IQCM: variants seen among roughly 807,000 people sequenced by gnomAD.
IQCM encodes IQ domain-containing protein M.
A neutral mutation model predicts 57.6 loss-of-function variants in IQCM; 45 were observed. The ratio of observed to expected loss-of-function variants is 0.78; its 90% CI spans 0.62 to 1.00. The LOEUF (loss-of-function observed/expected upper bound fraction) is 1.00, where lower values mean the gene tolerates loss of function less well. IQCM is among the 50% of genes least tolerant of loss of function. The pLI, the probability that IQCM is intolerant of heterozygous loss-of-function variation, is 0.00. For missense variants in IQCM, 468 were observed against 511.6 expected, an observed-to-expected ratio of 0.91 and a Z score of 0.82; for synonymous variants, 148 against 158.9, an observed-to-expected ratio of 0.93 and a Z score of 0.51.
intron 13 of IQCM, among the ~76,000 whole-genome samples, chr4:149,366,603 A>G (rs1729860172): frequency 6.6e-6 from 1 of 151,918 alleles, no homozygotes; most frequent in Non-Finnish European, 1.5e-5. Context: ...TTTTAATACT[A>G]TATTTTTCAT....
intron 5 of IQCM, among the ~76,000 whole-genome samples, chr4:149,694,544 C>CCACA (rs139799316): frequency 6.6e-5 from 10 of 151,302 alleles, no homozygotes; most frequent in African/African-American, 1.9e-4. Context: ...CCCCCTCCTT[C>CCACA]CACACACACA....
At chr4:149,448,761 C>T (rs895040983) in intron 12 of IQCM, among the ~76,000 whole-genome samples, 1 of 151,644 alleles carries the variant, frequency 6.6e-6, no homozygotes, top group Non-Finnish European at 1.5e-5. Context: ...TTGAAAGACA[C>T]CAATTAACAA....
Position 149,792,592 on chromosome 4 carries a change from G to A in IQCM, c.-49+22719C>T, listed in dbSNP as rs549785049. The stretch of plus-strand genomic sequence containing the variant: ...TTTTCTGTCCAGTCATTTCCAAAAT[G>A]CATCATAGGTGACTTTCAAACAATA... On this transcript the variant is annotated intron_variant, in intron 2 of 13. Coordinates refer to ENST00000636793, the MANE Select transcript of IQCM (RefSeq NM_001363507.2). Among the ~76,000 whole-genome samples, 33 of 152,270 alleles carry A rather than the reference G, an allele frequency of 2.2e-4. No individual in the cohort carries two copies. The South Asian group carries it at 6.8e-3, about 32-fold the overall frequency.
rs1746268526 is a variant in IQCM at position 149,527,431 on chromosome 4, G to A, written c.1228+21024C>T. 2.0e-5 allele frequency among the ~76,000 whole-genome samples: 3 copies of A among 152,154 alleles called. No homozygotes were observed. In the South Asian group the frequency reaches 6.2e-4, roughly 31 times the overall value. ...GTCATGAGGATGGCACCTAACAAGA[G>A]CTCTTCCTTCTGCCATGTGAGGATG... is the stretch of plus-strand genomic sequence containing the variant. On this transcript the variant is annotated intron_variant, in intron 12 of 13. Coordinates refer to ENST00000636793, the MANE Select transcript of IQCM (RefSeq NM_001363507.2).
intron 8 of IQCM, among the ~76,000 whole-genome samples, chr4:149,604,593 T>C (rs1413407517): frequency 2.0e-5 from 3 of 152,192 alleles, no homozygotes; most frequent in African/African-American, 7.2e-5. Flanking sequence ...TTTCTAAGTC[T>C]TCTTATTATT....
At chr4:149,785,714 A>AT (rs1449781505) in intron 2 of IQCM, among the ~76,000 whole-genome samples, 4 of 151,676 alleles carry the variant, frequency 2.6e-5, no homozygotes, top group Non-Finnish European at 4.4e-5. Context: ...TTTTGTACAC[A>AT]TTTTTTCTGT....
chr4:149,511,966 T>C (rs1401510929), intron 12 of IQCM, among the ~76,000 whole-genome samples: 1 of 152,216 alleles, frequency 6.6e-6, no homozygotes, highest in Non-Finnish European at 1.5e-5. Flanking sequence ...ATACCTCCTT[T>C]GCGCCAGATA....
At chr4:149,706,824 A>G (rs1764195213) in intron 5 of IQCM, among the ~76,000 whole-genome samples, 1 of 151,882 alleles carries the variant, frequency 6.6e-6, no homozygotes, top group Non-Finnish European at 1.5e-5. Flanking sequence ...GGCTCTCTGG[A>G]CCTCTCTTTT....
chr4:149,691,506 G>A (rs1762935205), intron 5 of IQCM, among the ~76,000 whole-genome samples: 1 of 152,080 alleles, frequency 6.6e-6, no homozygotes, highest in Non-Finnish European at 1.5e-5. Context: ...AAGTGAAGGA[G>A]GAAAAGGATG....
chr4:149,478,755 T>C (rs1740476543), intron 12 of IQCM, among the ~76,000 whole-genome samples: 1 of 152,100 alleles, frequency 6.6e-6, no homozygotes, highest in African/African-American at 2.4e-5. Context: ...AGAGTCTTTC[T>C]AGGGACTCCT....
At chr4:149,675,104 T>A (rs575140624) in intron 7 of IQCM, among the ~76,000 whole-genome samples, 11 of 152,064 alleles carry the variant, frequency 7.2e-5, no homozygotes, top group African/African-American at 2.7e-4. Flanking sequence ...GGAAAAGAGC[T>A]CAAGGAGTAG....
intron 7 of IQCM, among the ~76,000 whole-genome samples, chr4:149,641,016 G>C (rs982596108): frequency 6.6e-6 from 1 of 152,136 alleles, no homozygotes; most frequent in African/African-American, 2.4e-5. Flanking sequence ...TGTAGTCCCA[G>C]ATACTCAGGA....
At chr4:149,726,125 A>G (rs1350288742) in intron 5 of IQCM, among the ~76,000 whole-genome samples, 2 of 148,894 alleles carry the variant, frequency 1.3e-5, no homozygotes, top group African/African-American at 5.0e-5. Context: ...GAAAGAAAGA[A>G]AGAAAGAAAG....
At chr4:149,430,796 G>C (rs1349899606) in intron 13 of IQCM, among the ~76,000 whole-genome samples, 6 of 151,960 alleles carry the variant, frequency 3.9e-5, no homozygotes, top group Non-Finnish European at 7.4e-5. Context: ...TTTACAAAAA[G>C]TTTTATGAAT....
chr4:149,569,131 T>C (rs79841987), intron 9 of IQCM, among the ~76,000 whole-genome samples: 2,079 of 152,292 alleles, frequency 0.014, 25 homozygotes, highest in Middle Eastern at 0.034. Flanking sequence ...TTGTGCCCAC[T>C]AGCATGAGCC....
intron 7 of IQCM, among the ~76,000 whole-genome samples, chr4:149,623,591 C>T (rs1010929976): frequency 9.9e-5 from 15 of 152,086 alleles, no homozygotes; most frequent in African/African-American, 2.7e-4. Flanking sequence ...CAAAGTCAGT[C>T]GAAAGTTATA....
intron 7 of IQCM, among the ~76,000 whole-genome samples, chr4:149,673,968 C>G (rs1472661429): frequency 4.6e-5 from 7 of 152,080 alleles, no homozygotes; most frequent in Non-Finnish European, 7.4e-5. Context: ...TGTAATATAG[C>G]TTTCTTTTAT....
chr4:149,502,317 G>A lies in IQCM; in HGVS notation c.1228+46138C>T, dbSNP rs962784623. The stretch of plus-strand genomic sequence containing the variant: ...CAGAGATGAAAAATAAAATGGTAAA[G>A]AAAATAAAACACACTGAGAGGAAAA... On this transcript the variant is annotated intron_variant, in intron 12 of 13. Transcript: ENST00000636793. Among the ~76,000 whole-genome samples, 9 of 152,032 alleles carry A rather than the reference G, an allele frequency of 5.9e-5. No homozygotes were observed. In the East Asian group the frequency reaches 1.7e-3, roughly 29 times the overall value.
rs186049896 is a variant in IQCM, at chr4:149,488,207, G to T, written c.1229-54650C>A. ...TCTACATTGATGTGAAAAGTGTGGG[G>T]TTACTATGCAATATTTATCTATTAC... On this transcript the variant is annotated intron_variant, in intron 12 of 13. Coordinates refer to ENST00000636793, the MANE Select transcript of IQCM (RefSeq NM_001363507.2). Among the ~76,000 whole-genome samples the T allele has an allele frequency of 7.2e-5, 11 of 152,074 alleles. No homozygotes were observed. In the East Asian group the frequency reaches 2.1e-3, roughly 30 times the overall value.
Sources: gnomAD v4.1 joint callset for allele counts (sites outside exome capture counted in the v4.1 genomes callset) on GRCh38, gnomAD v4.1.1 for gene constraint, MANE v1.5 for transcripts, NCBI Gene and HGNC (gene_info 2026-07-23, HGNC 2026-07-21) for gene names.